Variants in GALNT13 observed in about 807,000 individuals in gnomAD.
The protein encoded by GALNT13 is polypeptide N-acetylgalactosaminyltransferase 13, also known as UDP-GalNAc:polypeptide N-acetylgalactosaminyltransferase 13.
GALNT13 carries 28 observed loss-of-function variants against 64.2 expected under a neutral mutation model. The observed-to-expected ratio is 0.44, with a 90% CI of 0.32 to 0.60. The LOEUF (loss-of-function observed/expected upper bound fraction) is 0.60. Ranked by LOEUF, GALNT13 falls within the 20% of genes least tolerant of loss-of-function variation. The pLI is 0.05. For missense variants in GALNT13, 577 were observed against 669.8 expected, an observed-to-expected ratio of 0.86 and a Z score of 1.53; for synonymous variants, 214 against 224.6, an observed-to-expected ratio of 0.95 and a Z score of 0.42.
chr2:153,524,391 G>A, the GALNT13 span, among the ~76,000 whole-genome samples: 1 of 151,024 alleles, frequency 6.6e-6, no homozygotes, highest in African/African-American at 2.4e-5. Flanking sequence ...CCCCTGCAAG[G>A]ACACCAATTT....
the GALNT13 span, among the ~76,000 whole-genome samples, chr2:153,339,816 C>T: frequency 4.8e-4 from 73 of 152,148 alleles, no homozygotes; most frequent in African/African-American, 1.3e-3. Flanking sequence ...ATTTTTTGCA[C>T]GTAAATATCC....
the GALNT13 span, among the ~76,000 whole-genome samples, chr2:153,548,404 G>C: frequency 1.3e-5 from 2 of 152,058 alleles, no homozygotes; most frequent in African/African-American, 4.8e-5. Context: ...CAACTGATGA[G>C]GTATATTAAT....
At chr2:154,250,676 T>C (rs1048896036) in intron 7 of GALNT13, among the ~76,000 whole-genome samples, 39 of 152,232 alleles carry the variant, frequency 2.6e-4, no homozygotes, top group African/African-American at 8.7e-4. Context: ...TGTTACTCTT[T>C]AACATCTTAT....
chr2:153,861,555 CTTTCTTTTTTTTTTT>C, the GALNT13 span, among the ~76,000 whole-genome samples: 2 of 111,142 alleles, frequency 1.8e-5, no homozygotes, highest in South Asian at 3.2e-4. Context: ...CTTTTTCTTT[CTTTCTTTTTTTTTTT>C]TTTTTTTTTT....
the GALNT13 span, among the ~76,000 whole-genome samples, chr2:153,416,897 T>A: frequency 1.3e-5 from 2 of 152,148 alleles, no homozygotes; most frequent in African/African-American, 2.4e-5. Context: ...GTGGGCTGTC[T>A]TTAAGAAAAA....
intron 8 of GALNT13, among the ~76,000 whole-genome samples, chr2:154,264,481 A>T (rs2105910553): frequency 6.6e-6 from 1 of 151,470 alleles, no homozygotes; most frequent in South Asian, 2.1e-4. Context: ...AAAAAAAAAA[A>T]AAAAAATTAG....
chr2:153,376,198 AG>A, the GALNT13 span, among the ~76,000 whole-genome samples: 1 of 152,216 alleles, frequency 6.6e-6, no homozygotes, highest in African/African-American at 2.4e-5. Context: ...TGATAATTTT[AG>A]GTAAAACTGA....
At chr2:154,302,224 G>A (rs1263040876) in intron 9 of GALNT13, among the ~76,000 whole-genome samples, 2 of 151,916 alleles carry the variant, frequency 1.3e-5, no homozygotes, top group African/African-American at 4.8e-5. Context: ...ACTGGGTGGT[G>A]GGATTATTAA....
intron 11 of GALNT13, among the ~76,000 whole-genome samples, chr2:154,427,248 T>C (rs1700512935): frequency 1.3e-5 from 2 of 152,190 alleles, no homozygotes; most frequent in African/African-American, 4.8e-5. Flanking sequence ...TCCTGAGTGA[T>C]ACCTCTCAAG....
the GALNT13 span, among the ~76,000 whole-genome samples, chr2:153,523,263 T>C: frequency 2.6e-5 from 4 of 152,246 alleles, no homozygotes; most frequent in South Asian, 8.3e-4. Context: ...ATATCAATAC[T>C]CCAACTTTGT....
the GALNT13 span, among the ~76,000 whole-genome samples, chr2:153,855,603 G>T: frequency 6.6e-6 from 1 of 152,164 alleles, no homozygotes; most frequent in Non-Finnish European, 1.5e-5. Context: ...TGTCCAGGAT[G>T]TAGAGAAATT....
At chr2:153,289,179 T>G in the GALNT13 span, among the ~76,000 whole-genome samples, 1 of 152,352 alleles carries the variant, frequency 6.6e-6, no homozygotes, top group Non-Finnish European at 1.5e-5. Flanking sequence ...ACTCTTCAAC[T>G]TTAATTAAGC....
At chr2:153,141,992 A>C in the GALNT13 span, among the ~76,000 whole-genome samples, 1 of 152,068 alleles carries the variant, frequency 6.6e-6, no homozygotes, top group Non-Finnish European at 1.5e-5. Context: ...CAGATGATGG[A>C]TAGTAATAAT....
chr2:153,780,214 G>GATATATATAT, the GALNT13 span, among the ~76,000 whole-genome samples: 2 of 128,060 alleles, frequency 1.6e-5, no homozygotes, highest in African/African-American at 6.4e-5. Context: ...AGAATTTGAA[G>GATATATATAT]ATATATATAT....
the GALNT13 span, among the ~76,000 whole-genome samples, chr2:153,634,486 T>C: frequency 6.6e-6 from 1 of 151,092 alleles, no homozygotes; most frequent in South Asian, 2.1e-4. Context: ...CATTCATCCT[T>C]GGGAGAAGTG....
chr2:154,224,958 A>C (rs1322986116), intron 4 of GALNT13, among the ~76,000 whole-genome samples: 1 of 152,126 alleles, frequency 6.6e-6, no homozygotes, highest in East Asian at 1.9e-4. Flanking sequence ...ATATTTCCAG[A>C]TATGTCGCAG....
the GALNT13 span, among the ~76,000 whole-genome samples, chr2:153,629,090 G>A: frequency 1.2e-4 from 19 of 152,150 alleles, no homozygotes; most frequent in South Asian, 8.3e-4. Flanking sequence ...TATATGTGTC[G>A]AGGAATTTAT....
chr2:154,055,765 G>A lies in GALNT13; in HGVS notation c.143-84572G>A, dbSNP rs147481281. Among the ~76,000 whole-genome samples the A allele has an allele frequency of 3.0e-4, 45 of 152,110 alleles. No individual in the cohort carries two copies. In the East Asian group the frequency reaches 6.8e-3, roughly 23 times the overall value. On this transcript the variant is annotated intron_variant, in intron 3 of 12. Coordinates refer to ENST00000392825, the MANE Select transcript of GALNT13 (RefSeq NM_052917.4). ...TCTTCTTAAATTATATGGTTTTCTC[G>A]CCACAGATTTAGATTCATTCTCATT...
the GALNT13 span, among the ~76,000 whole-genome samples, chr2:153,562,092 G>C: frequency 1.5e-5 from 2 of 129,064 alleles, no homozygotes; most frequent in Non-Finnish European, 3.4e-5. Context: ...GTGTGTGTGT[G>C]TGTGTGTGTG....
Sources: allele counts gnomAD v4.1 joint callset (sites outside exome capture counted in the v4.1 genomes callset), GRCh38; gene constraint gnomAD v4.1.1; transcripts MANE v1.5; gene names NCBI Gene and HGNC (gene_info 2026-07-23, HGNC 2026-07-21).